Variants in CDH12 observed in about 807,000 individuals in gnomAD.
CDH12 encodes the protein cadherin-12.
In CDH12, 41 loss-of-function variants were observed where a neutral mutation model predicts 74.1. The observed-to-expected ratio is 0.55, with a 90% CI of 0.43 to 0.72. CDH12 has a LOEUF of 0.72. CDH12 is among the 30% of genes least tolerant of loss of function. The pLI, the probability that CDH12 is intolerant of heterozygous loss-of-function variation, is 0.00. For synonymous variants in CDH12, 399 were observed against 355.0 expected, an observed-to-expected ratio of 1.12 and a Z score of -1.39; for missense variants, 945 against 977.2, an observed-to-expected ratio of 0.97 and a Z score of 0.44.
At chr5:22,637,341 T>C (rs1012353318) in intron 1 of CDH12, among the ~76,000 whole-genome samples, 12 of 151,488 alleles carry the variant, frequency 7.9e-5, no homozygotes, top group African/African-American at 2.9e-4. Context: ...TTCTCTGTGC[T>C]AACCTCATCT....
rs907286567 is a variant in CDH12, at chr5:22,100,355, A to G, written c.-186-21493T>C. On this transcript the variant is annotated intron_variant, in intron 4 of 14. Coordinates refer to ENST00000382254, the MANE Select transcript of CDH12 (RefSeq NM_004061.5). ...GTAGAGACTGAATTATAATTTTTCA[A>G]ATAGAAAAATAGTAAGAGGTGACAA... Among the ~76,000 whole-genome samples the G allele has an allele frequency of 1.4e-4, 21 of 152,152 alleles. 2 individuals carry two copies. Among genetic ancestry groups the G allele is most frequent in the Admixed American group, 1.4e-3 (21 of 15,260 alleles).
intron 8 of CDH12, among the ~76,000 whole-genome samples, chr5:21,833,038 T>TATATATTATATGTTATATAAC (rs1345215627): frequency 4.5e-5 from 3 of 67,174 alleles, no homozygotes; most frequent in Non-Finnish European, 7.6e-5. Context: ...TAATATATAA[T>TATATATTATATGTTATATAAC]ATATAATATA....
At chr5:22,473,284 A>C (rs1746042099) in intron 2 of CDH12, among the ~76,000 whole-genome samples, 1 of 152,094 alleles carries the variant, frequency 6.6e-6, no homozygotes, top group African/African-American at 2.4e-5. Flanking sequence ...TTATATACTT[A>C]CACTGACTTA....
intron 1 of CDH12, among the ~76,000 whole-genome samples, chr5:22,816,798 G>T (rs909299438): frequency 6.6e-6 from 1 of 152,194 alleles, no homozygotes; most frequent in East Asian, 1.9e-4. Context: ...ATTTCTGTGT[G>T]TCTATCCACT....
intron 1 of CDH12, among the ~76,000 whole-genome samples, chr5:22,741,239 T>C (rs1446498876): frequency 6.6e-6 from 1 of 152,164 alleles, no homozygotes; most frequent in African/African-American, 2.4e-5. Flanking sequence ...CAAAATCAGG[T>C]CCAGGGATTG....
At chr5:22,564,015 C>T (rs1314418110) in intron 1 of CDH12, among the ~76,000 whole-genome samples, 1 of 152,128 alleles carries the variant, frequency 6.6e-6, no homozygotes, top group East Asian at 1.9e-4. Flanking sequence ...AGAGCCAAAA[C>T]ATATCGATTA....
At chr5:22,372,408 C>T (rs1741332559) in intron 3 of CDH12, among the ~76,000 whole-genome samples, 1 of 152,104 alleles carries the variant, frequency 6.6e-6, no homozygotes, top group Non-Finnish European at 1.5e-5. Flanking sequence ...CATTCCTGCA[C>T]AGACTTCCAC....
chr5:22,758,104 G>A (rs1279855585), intron 1 of CDH12, among the ~76,000 whole-genome samples: 1 of 152,214 alleles, frequency 6.6e-6, no homozygotes, highest in African/African-American at 2.4e-5. Flanking sequence ...GCTGGAGACT[G>A]ATAGTGCAGG....
intron 4 of CDH12, among the ~76,000 whole-genome samples, chr5:22,147,171 A>G (rs1381087843): frequency 6.6e-6 from 1 of 152,176 alleles, no homozygotes; most frequent in Non-Finnish European, 1.5e-5. Flanking sequence ...TTCATCAAAG[A>G]CATTTTAGCA....
At chr5:22,631,669 G>A in intron 1 of CDH12, among the ~76,000 whole-genome samples, 1 of 152,072 alleles carries the variant, frequency 6.6e-6, no homozygotes, top group East Asian at 1.9e-4. Context: ...AAAAAGAAGA[G>A]GTTTAAATGT....
At chr5:22,270,500 C>G (rs1305372464) in intron 3 of CDH12, among the ~76,000 whole-genome samples, 1 of 151,146 alleles carries the variant, frequency 6.6e-6, no homozygotes, top group African/African-American at 2.4e-5. Flanking sequence ...GAGGCTGAGG[C>G]AGGAGAATTG....
chr5:22,694,374 AC>A (rs2126948241), intron 1 of CDH12, among the ~76,000 whole-genome samples: 1 of 152,224 alleles, frequency 6.6e-6, no homozygotes, highest in East Asian at 1.9e-4. Context: ...AAAATCCTTC[AC>A]TTGATTATGC....
At chr5:22,548,356 T>C (rs1489840873) in intron 1 of CDH12, among the ~76,000 whole-genome samples, 2 of 152,182 alleles carry the variant, frequency 1.3e-5, no homozygotes, top group Admixed American at 6.5e-5. Flanking sequence ...CCAATGCTTC[T>C]GCAACCCTCC....
At chr5:22,720,352 C>T (rs1743816140) in intron 1 of CDH12, among the ~76,000 whole-genome samples, 1 of 152,156 alleles carries the variant, frequency 6.6e-6, no homozygotes, top group African/African-American at 2.4e-5. Context: ...TTCTCCTTCA[C>T]CTTGCGCCAT....
rs77702546 is a variant in CDH12, at chr5:22,051,970, C to A, written c.231+26476G>T. Among the ~76,000 whole-genome samples the A allele has an allele frequency of 6.0e-3, 919 of 152,190 alleles. 2 individuals carry two copies. Among genetic ancestry groups the A allele is most frequent in the African/African-American group, 0.021 (883 of 41,532 alleles). Reference sequence around the variant, plus strand: ...GTATTTCCTTCATAATTTCCAAGAGCTGAAAGTAAACAATTAGAATATTTT... The same window carrying A: ...GTATTTCCTTCATAATTTCCAAGAGATGAAAGTAAACAATTAGAATATTTT... On this transcript the variant is annotated intron_variant, in intron 5 of 14. Coordinates refer to ENST00000382254, the MANE Select transcript of CDH12 (RefSeq NM_004061.5).
intron 6 of CDH12, among the ~76,000 whole-genome samples, chr5:21,955,318 T>C (rs1561326045): frequency 6.6e-6 from 1 of 151,814 alleles, no homozygotes; most frequent in Non-Finnish European, 1.5e-5. Flanking sequence ...AGTTTTAAAA[T>C]AAAATTAATT....
At chr5:22,455,884 T>C (rs1376075453) in intron 2 of CDH12, among the ~76,000 whole-genome samples, 2 of 152,090 alleles carry the variant, frequency 1.3e-5, no homozygotes, top group Non-Finnish European at 2.9e-5. Flanking sequence ...TGATAAGCAA[T>C]GTCCAATAAA....
rs141280957 is a variant in CDH12 at position 21,767,757 on chromosome 5, CAA to C, written c.1394-2660_1394-2659del. Among the ~76,000 whole-genome samples, 1,252 of 151,636 alleles carry C rather than the reference CAA, an allele frequency of 8.3e-3. 14 individuals carry two copies. Among genetic ancestry groups the C allele is most frequent in the African/African-American group, 0.029 (1,189 of 41,480 alleles). ...TACTCTCTCTTCTATCATGTATTTT[CAA>C]AACTTTCCATAATTAAACATTAAGA... On this transcript the variant is annotated intron_variant, in intron 11 of 14. Coordinates refer to ENST00000382254, the MANE Select transcript of CDH12 (RefSeq NM_004061.5).
rs1483569175 is a variant in CDH12, at chr5:21,814,288, A to C, written c.1002+2657T>G. On this transcript the variant is annotated intron_variant, in intron 9 of 14. Transcript: ENST00000382254. ...TATCTCAATTTTAATCCAGTTAAGAAGAATAAAAATTCTAAATAAACACAA... is the reference window on the plus strand; with the variant it reads ...TATCTCAATTTTAATCCAGTTAAGACGAATAAAAATTCTAAATAAACACAA... Among the ~76,000 whole-genome samples the C allele has an allele frequency of 3.3e-5, 5 of 152,252 alleles. No homozygotes were observed. The South Asian group carries it at 8.3e-4, about 25-fold the overall frequency.
Sources: allele counts gnomAD v4.1 joint callset (sites outside exome capture counted in the v4.1 genomes callset), GRCh38; gene constraint gnomAD v4.1.1; transcripts MANE v1.5; gene names NCBI Gene and HGNC (gene_info 2026-07-23, HGNC 2026-07-21).